ANK3: variants seen among roughly 807,000 people sequenced by gnomAD.
ANK3 encodes ankyrin 3.
Under a neutral mutation model 370.9 loss-of-function variants are expected in ANK3, and 57 were observed. The ratio of observed to expected loss-of-function variants is 0.15; its 90% CI spans 0.12 to 0.19. The LOEUF (loss-of-function observed/expected upper bound fraction) is 0.19. ANK3 is among the 10% of genes least tolerant of loss of function. The pLI is 1.00. For synonymous variants in ANK3, 1,929 were observed against 1,946.3 expected (o/e 0.99, Z 0.23); for missense variants, 4,439 against 5,302.1 (o/e 0.84, Z 5.06).
intron 1 of ANK3, among the ~76,000 whole-genome samples, chr10:60,732,361 A>G (rs2080035510): frequency 1.3e-5 from 2 of 152,304 alleles, no homozygotes; most frequent in South Asian, 2.1e-4. Context: ...ATTATGCCAC[A>G]TTATACACAC....
intron 5 of ANK3, among the ~76,000 whole-genome samples, chr10:60,265,714 C>T (rs895809304): frequency 2.6e-5 from 4 of 152,094 alleles, no homozygotes; most frequent in African/African-American, 9.7e-5. Flanking sequence ...CTTCCTAAAA[C>T]ATCCCTTTCA....
chr10:60,477,739 A>G (rs780689973), intron 2 of ANK3, among the ~76,000 whole-genome samples: 5 of 152,218 alleles, frequency 3.3e-5, no homozygotes, highest in African/African-American at 4.8e-5. Context: ...CATAAAAATT[A>G]TATAAATGAC....
intron 1 of ANK3, among the ~76,000 whole-genome samples, chr10:60,281,594 A>G (rs2098164114): frequency 6.6e-6 from 1 of 152,182 alleles, no homozygotes; most frequent in Non-Finnish European, 1.5e-5. Context: ...TTCCCCCGCA[A>G]CTGGAAGCAT....
intron 1 of ANK3, among the ~76,000 whole-genome samples, chr10:60,369,080 T>C (rs1270027356): frequency 6.6e-6 from 1 of 151,364 alleles, no homozygotes; most frequent in Admixed American, 6.6e-5. Flanking sequence ...TGACTGTATC[T>C]AAATTATACT....
chr10:60,465,190 G>A (rs542580108), intron 2 of ANK3, among the ~76,000 whole-genome samples: 1 of 151,924 alleles, frequency 6.6e-6, no homozygotes, highest in East Asian at 1.9e-4. Context: ...CTGAGAATTT[G>A]AGGCTGCAGT....
At chr10:60,382,799 A>ATATC (rs1485288685) in intron 1 of ANK3, among the ~76,000 whole-genome samples, 1 of 5,472 alleles carries the variant, frequency 1.8e-4, no homozygotes, top group Non-Finnish European at 5.0e-4. Context: ...ACCTAAATCT[A>ATATC]TATATATATA....
intron 2 of ANK3, among the ~76,000 whole-genome samples, chr10:60,586,045 C>G (rs10994420): frequency 6.7e-6 from 1 of 149,020 alleles, no homozygotes; most frequent in African/African-American, 2.5e-5. Context: ...CAAAAACAAA[C>G]AAACAAAAAA....
chr10:60,528,354 T>C (rs1032533526), intron 2 of ANK3, among the ~76,000 whole-genome samples: 6 of 152,040 alleles, frequency 3.9e-5, no homozygotes, highest in African/African-American at 1.4e-4. Context: ...CAGGCTGGTC[T>C]TGAACTCCCA....
At chr10:60,125,186 A>T (rs1271483051) in intron 25 of ANK3, among the ~76,000 whole-genome samples, 1 of 152,194 alleles carries the variant, frequency 6.6e-6, no homozygotes, top group Non-Finnish European at 1.5e-5. Context: ...TATTTTCTTG[A>T]AGTCAACTAT....
intron 2 of ANK3, among the ~76,000 whole-genome samples, chr10:60,415,839 T>C (rs552385203): frequency 2.7e-4 from 41 of 150,856 alleles, no homozygotes; most frequent in African/African-American, 9.0e-4. Flanking sequence ...TTCATTCAGA[T>C]ACTAGTACAC....
chr10:60,060,711 C>T (rs2080254497), intron 40 of ANK3: 1 of 151,888 alleles, frequency 6.6e-6, no homozygotes, highest in Non-Finnish European at 1.5e-5. Flanking sequence ...ACAGATATGA[C>T]CAAGATGAAA....
intron 2 of ANK3, among the ~76,000 whole-genome samples, chr10:60,577,197 G>T (rs1002106679): frequency 9.2e-5 from 14 of 152,126 alleles, no homozygotes; most frequent in Non-Finnish European, 1.9e-4. Context: ...AGCTGGCATT[G>T]TCTTAGGCTA....
intron 1 of ANK3, among the ~76,000 whole-genome samples, chr10:60,374,421 A>T (rs1210213697): frequency 6.6e-6 from 1 of 152,156 alleles, no homozygotes; most frequent in African/African-American, 2.4e-5. Flanking sequence ...GTGAGGCAGG[A>T]GATGAGCCCC....
At chr10:60,119,664 C>T (rs111967463) in intron 25 of ANK3, among the ~76,000 whole-genome samples, 6,385 of 152,022 alleles carry the variant, frequency 0.042, 395 homozygotes, top group African/African-American at 0.14. Flanking sequence ...CCCATCTAAT[C>T]GGGAGGCTGA....
chr10:60,567,016 A>G (rs192573820), intron 2 of ANK3, among the ~76,000 whole-genome samples: 1 of 152,378 alleles, frequency 6.6e-6, no homozygotes, highest in East Asian at 1.9e-4. Context: ...AAGAGGTTTA[A>G]GGAAAGAAGC....
At chr10:60,053,774 A>G (rs768744973) in intron 42 of ANK3, 7 of 1,287,000 alleles carry the variant, frequency 5.4e-6, no homozygotes, top group Admixed American at 2.3e-5. Flanking sequence ...GAGATCATAC[A>G]TCAGATGACC....
intron 1 of ANK3, among the ~76,000 whole-genome samples, chr10:60,656,611 T>C (rs981240356): frequency 2.0e-5 from 3 of 152,212 alleles, no homozygotes; most frequent in African/African-American, 7.2e-5. Context: ...CCTAGATCAA[T>C]GATTTTGCAG....
chr10:60,403,419 C>T (rs1215562917), intron 2 of ANK3, among the ~76,000 whole-genome samples: 3 of 152,170 alleles, frequency 2.0e-5, no homozygotes, highest in Non-Finnish European at 4.4e-5. Context: ...CCAGACTGAT[C>T]TCTCTCATCA....
intron 2 of ANK3, among the ~76,000 whole-genome samples, chr10:60,536,268 AC>A (rs1441702396): frequency 6.6e-6 from 1 of 152,092 alleles, no homozygotes; most frequent in Non-Finnish European, 1.5e-5. Context: ...TGACAATCCT[AC>A]TTTAAAGATG....
Sources: gnomAD v4.1 joint callset for allele counts (sites outside exome capture counted in the v4.1 genomes callset) on GRCh38, gnomAD v4.1.1 for gene constraint, MANE v1.5 for transcripts, NCBI Gene and HGNC (gene_info 2026-07-23, HGNC 2026-07-21) for gene names.